EYA4: variants seen among roughly 807,000 people sequenced by gnomAD.
EYA4 encodes the protein protein phosphatase EYA4.
EYA4 carries 31 observed loss-of-function variants against 87.9 expected under a neutral mutation model. That is an observed-to-expected ratio of 0.35 (90% CI 0.27 to 0.48). The LOEUF is 0.48. EYA4 is among the 20% of genes least tolerant of loss of function. The pLI is 0.99. For synonymous variants in EYA4, 263 were observed against 270.6 expected (o/e 0.97, Z 0.28); for missense variants, 678 against 761.4 (o/e 0.89, Z 1.29).
chr6:133,480,642 TAAC>T (rs1190112022), intron 11 of EYA4, among the ~76,000 whole-genome samples: 2 of 152,062 alleles, frequency 1.3e-5, no homozygotes, highest in African/African-American at 4.8e-5. Context: ...TTGAGTCAAT[TAAC>T]ACATTGATTA....
At chr6:133,285,133 A>T (rs996890556) in intron 2 of EYA4, among the ~76,000 whole-genome samples, 1 of 150,404 alleles carries the variant, frequency 6.6e-6, no homozygotes, top group Non-Finnish European at 1.5e-5. Context: ...AGTAGCTGGG[A>T]CTACAGGCAC....
At chr6:133,459,668 T>C (rs1046077747) in intron 6 of EYA4, among the ~76,000 whole-genome samples, 1 of 152,168 alleles carries the variant, frequency 6.6e-6, no homozygotes, top group South Asian at 2.1e-4. Flanking sequence ...GCACATTTAA[T>C]GTCCATTGTG....
intron 3 of EYA4, among the ~76,000 whole-genome samples, chr6:133,403,733 A>G (rs1468141047): frequency 6.6e-6 from 1 of 152,200 alleles, no homozygotes; most frequent in Non-Finnish European, 1.5e-5. Flanking sequence ...ACTCTCATAT[A>G]AGGAAGGAAG....
intron 2 of EYA4, among the ~76,000 whole-genome samples, chr6:133,318,962 A>G (rs1488299844): frequency 1.3e-5 from 2 of 152,216 alleles, no homozygotes; most frequent in Non-Finnish European, 2.9e-5. Flanking sequence ...AGTTGTGTCC[A>G]AGCAGTGAAT....
intron 2 of EYA4, among the ~76,000 whole-genome samples, chr6:133,347,060 A>G (rs1329660685): frequency 6.6e-6 from 1 of 152,220 alleles, no homozygotes; most frequent in Non-Finnish European, 1.5e-5. Flanking sequence ...GTCAAAAAAG[A>G]ACATGGCAAT....
intron 2 of EYA4, among the ~76,000 whole-genome samples, chr6:133,333,176 A>G (rs1327537493): frequency 1.3e-5 from 2 of 152,216 alleles, no homozygotes; most frequent in African/African-American, 4.8e-5. Flanking sequence ...CTCTCCCACT[A>G]GACTGTAAGC....
chr6:133,379,315 A>G (rs759995283), intron 2 of EYA4, among the ~76,000 whole-genome samples: 3 of 152,078 alleles, frequency 2.0e-5, no homozygotes, highest in Non-Finnish European at 4.4e-5. Flanking sequence ...CTTATATAGC[A>G]TATATGGGTC....
At chr6:133,316,550 T>G (rs1780635975) in intron 2 of EYA4, among the ~76,000 whole-genome samples, 1 of 152,200 alleles carries the variant, frequency 6.6e-6, no homozygotes, top group African/African-American at 2.4e-5. Flanking sequence ...TAATTGAAAT[T>G]GACTTCAACC....
Position 133,456,541 on chromosome 6 carries a change from T to TGA in EYA4, c.278-15_278-14insGA. On this transcript the variant is annotated splice_polypyrimidine_tract_variant and intron_variant, in intron 5 of 19. Transcript: ENST00000355286. ...TTTAGAAGTAAAACTCACATGTACT[T>TGA]ATTCTTCTACGTAGTGTCTCTTCTT... 6.4e-7 allele frequency: 1 copy of TGA among 1,569,242 alleles called. No individual in the cohort carries two copies. The highest frequency in any genetic ancestry group is 8.8e-7 in the Non-Finnish European group (1 of 1,139,178).
chr6:133,334,233 A>T (rs6930942), intron 2 of EYA4, among the ~76,000 whole-genome samples: 1 of 152,042 alleles, frequency 6.6e-6, no homozygotes, highest in African/African-American at 2.4e-5. Flanking sequence ...CATCTTTTTT[A>T]AAAAATCCGA....
intron 2 of EYA4, among the ~76,000 whole-genome samples, chr6:133,315,242 A>C (rs1780535524): frequency 6.6e-6 from 1 of 152,140 alleles, no homozygotes. Flanking sequence ...GATATTATTC[A>C]GGGCAGCAAC....
At chr6:133,340,144 ATGTTAAGAC>A (rs2128403563) in intron 2 of EYA4, among the ~76,000 whole-genome samples, 1 of 152,334 alleles carries the variant, frequency 6.6e-6, no homozygotes, top group South Asian at 2.1e-4. Context: ...ATTGTCTCTA[ATGTTAAGAC>A]TATATATAGG....
At chr6:133,361,592 G>T (rs543748887) in intron 2 of EYA4, among the ~76,000 whole-genome samples, 2 of 152,162 alleles carry the variant, frequency 1.3e-5, no homozygotes, top group South Asian at 2.1e-4. Flanking sequence ...CAAACCGTTC[G>T]TAGTTGTTGG....
chr6:133,362,536 A>G (rs1255667382), intron 2 of EYA4, among the ~76,000 whole-genome samples: 1 of 152,208 alleles, frequency 6.6e-6, no homozygotes, highest in Non-Finnish European at 1.5e-5. Context: ...AATGCCCTCA[A>G]TTGAAACAGA....
intron 2 of EYA4, among the ~76,000 whole-genome samples, chr6:133,291,935 G>C (rs1778520468): frequency 8.5e-6 from 1 of 118,100 alleles, no homozygotes; most frequent in Non-Finnish European, 1.8e-5. Context: ...CAGCTAGACT[G>C]ATTTTTTTTT....
At chr6:133,369,196 A>T (rs1344951972) in intron 2 of EYA4, among the ~76,000 whole-genome samples, 5 of 152,174 alleles carry the variant, frequency 3.3e-5, no homozygotes, top group Admixed American at 3.3e-4. Context: ...TTTAAAGAAA[A>T]TAATTATTTT....
intron 2 of EYA4, among the ~76,000 whole-genome samples, chr6:133,275,474 G>A (rs1456435356): frequency 4.0e-5 from 6 of 151,816 alleles, no homozygotes; most frequent in South Asian, 2.1e-4. Context: ...TTTTGCATAC[G>A]GACAACTCAT....
rs112747167 is a variant in EYA4, at chr6:133,325,031, T to C, written c.33+50218T>C. ...GTTCACACCATTTTCCTGTCTCAGC[T>C]TCCTGAGTAGCTGGGACTACAGTCG... On this transcript the variant is annotated intron_variant, in intron 2 of 19. Transcript: ENST00000355286. Among the ~76,000 whole-genome samples the C allele has an allele frequency of 5.8e-4, 88 of 151,298 alleles. No homozygotes were observed. In the Middle Eastern group the frequency reaches 0.014, roughly 23 times the overall value.
intron 2 of EYA4, among the ~76,000 whole-genome samples, chr6:133,281,447 G>GT (rs2128281876): frequency 6.6e-6 from 1 of 152,308 alleles, no homozygotes; most frequent in Admixed American, 6.5e-5. Context: ...GCGAGAACAT[G>GT]TGATATTTGA....
Sources: gnomAD v4.1 joint callset for allele counts (sites outside exome capture counted in the v4.1 genomes callset) on GRCh38, gnomAD v4.1.1 for gene constraint, MANE v1.5 for transcripts, NCBI Gene and HGNC (gene_info 2026-07-23, HGNC 2026-07-21) for gene names.